The following KDM2B variants were observed in gnomAD, a reference collection of about 807,000 sequenced individuals.
KDM2B encodes the protein lysine-specific demethylase 2B.
A neutral mutation model predicts 150.0 loss-of-function variants in KDM2B; 26 were observed. The observed-to-expected ratio is 0.17, with a 90% confidence interval of 0.13 to 0.24. The LOEUF is 0.24. Ranked by LOEUF, KDM2B falls within the 10% of genes least tolerant of loss-of-function variation. The pLI is 1.00. For synonymous variants in KDM2B, 734 were observed against 729.5 expected, an observed-to-expected ratio of 1.01 and a Z score of -0.10; for missense variants, 1,265 against 1,816.9, an observed-to-expected ratio of 0.70 and a Z score of 5.52.
chr12:121,581,686 G>T (rs1276836584), upstream of KDM2B, among the ~76,000 whole-genome samples: 1 of 152,184 alleles, frequency 6.6e-6, no homozygotes, highest in African/African-American at 2.4e-5. Context: ...AACCCTGTGG[G>T]ATACTTGGAG....
At chr12:121,509,087 C>T (rs1001557064) in intron 11 of KDM2B, among the ~76,000 whole-genome samples, 1 of 152,124 alleles carries the variant, frequency 6.6e-6, no homozygotes, top group Non-Finnish European at 1.5e-5. Context: ...GAGACAGAGT[C>T]TTGCTCTGTT....
intron 11 of KDM2B, among the ~76,000 whole-genome samples, chr12:121,502,151 G>A (rs1357332135): frequency 2.6e-5 from 4 of 152,192 alleles, no homozygotes; most frequent in Non-Finnish European, 5.9e-5. Flanking sequence ...TATGGTGTCT[G>A]AAATTTTTGG....
intron 4 of KDM2B, among the ~76,000 whole-genome samples, chr12:121,567,674 C>T (rs1555315215): frequency 6.6e-6 from 1 of 151,750 alleles, no homozygotes; most frequent in African/African-American, 2.4e-5. Flanking sequence ...ATCTCGGATT[C>T]CTTGCCTCCA....
At chr12:121,414,575 C>G in the KDM2B span, among the ~76,000 whole-genome samples, 3 of 152,150 alleles carry the variant, frequency 2.0e-5, no homozygotes, top group Non-Finnish European at 4.4e-5. Context: ...TAGCAAATAG[C>G]CCTTACGCCT....
At position 121,534,725 on chromosome 12, in the gene KDM2B, TA is replaced by T. The variant is rs1469652548; in HGVS notation, c.684-136del. ...TGGGGAATTTTCTTTTTTTCTTCTT[TA>T]AAAATCCAAATGTAATCGGAGTTCC... On this transcript the variant is annotated intron_variant, in intron 6 of 22. Coordinates refer to ENST00000377071, the MANE Select transcript of KDM2B (RefSeq NM_032590.5). 21 of 646,320 alleles carry T rather than the reference TA, an allele frequency of 3.2e-5. 1 individual carries two copies. The Admixed American group carries it at 5.3e-4, about 16-fold the overall frequency. 40.0% of individuals were successfully genotyped at this position (646,320 alleles called of 1,614,324 possible).
At chr12:121,498,646 G>A (rs1160902857) in intron 11 of KDM2B, among the ~76,000 whole-genome samples, 1 of 151,960 alleles carries the variant, frequency 6.6e-6, no homozygotes, top group African/African-American at 2.4e-5. Flanking sequence ...TGTTTTCTTT[G>A]AGTTTCCTTC....
intron 4 of KDM2B, among the ~76,000 whole-genome samples, chr12:121,562,960 GA>G (rs1244274982): frequency 6.6e-6 from 1 of 152,162 alleles, no homozygotes; most frequent in African/African-American, 2.4e-5. Context: ...GAAGGTTCAA[GA>G]AAAGGGCCAA....
chr12:121,410,408 G>C, the KDM2B span, among the ~76,000 whole-genome samples: 1 of 151,822 alleles, frequency 6.6e-6, no homozygotes, highest in Non-Finnish European at 1.5e-5. Flanking sequence ...GTGGTGGTGG[G>C]TGCCTGTAAT....
At chr12:121,485,251 A>G (rs1882629853) in intron 12 of KDM2B, among the ~76,000 whole-genome samples, 2 of 152,150 alleles carry the variant, frequency 1.3e-5, no homozygotes. Context: ...TTACTTTGAC[A>G]GCTGGGAGAC....
At chr12:121,552,397 G>C (rs1459951920) in intron 4 of KDM2B, among the ~76,000 whole-genome samples, 1 of 152,184 alleles carries the variant, frequency 6.6e-6, no homozygotes, top group Non-Finnish European at 1.5e-5. Context: ...ACCTGGCCAA[G>C]TGCAGTGGCT....
intron 12 of KDM2B, among the ~76,000 whole-genome samples, chr12:121,457,441 T>C (rs1555293005): frequency 6.6e-6 from 1 of 152,006 alleles, no homozygotes; most frequent in Non-Finnish European, 1.5e-5. Flanking sequence ...TTTATATTTT[T>C]AGTAGAGATA....
At chr12:121,439,211 C>T (rs1555287515) in intron 22 of KDM2B, among the ~76,000 whole-genome samples, 1 of 152,116 alleles carries the variant, frequency 6.6e-6, no homozygotes. Context: ...GCCCTTGCCT[C>T]CCGGCCCCCA....
At chr12:121,466,183 C>G (rs1555294729) in intron 12 of KDM2B, among the ~76,000 whole-genome samples, 1 of 152,080 alleles carries the variant, frequency 6.6e-6, no homozygotes, top group African/African-American at 2.4e-5. Flanking sequence ...TCCACAACAC[C>G]TTTATCCCAC....
At chr12:121,481,013 C>T (rs1485464313) in intron 12 of KDM2B, among the ~76,000 whole-genome samples, 2 of 151,476 alleles carry the variant, frequency 1.3e-5, no homozygotes, top group Non-Finnish European at 2.9e-5. Flanking sequence ...CTGTCACCTC[C>T]ACCTCCCGAG....
intron 6 of KDM2B, among the ~76,000 whole-genome samples, chr12:121,535,327 T>A (rs1888002798): frequency 6.6e-6 from 1 of 151,982 alleles, no homozygotes; most frequent in Non-Finnish European, 1.5e-5. Context: ...GACCAAGCGG[T>A]GTCTGGTCCC....
At chr12:121,540,400 T>C (rs1231729025) in intron 6 of KDM2B, among the ~76,000 whole-genome samples, 2 of 151,984 alleles carry the variant, frequency 1.3e-5, no homozygotes, top group East Asian at 1.9e-4. Flanking sequence ...TAAGGGTGAA[T>C]GTGCAATGTA....
chr12:121,487,423 G>A (rs1042103451), intron 12 of KDM2B, among the ~76,000 whole-genome samples: 6 of 152,066 alleles, frequency 3.9e-5, no homozygotes, highest in South Asian at 2.1e-4. Flanking sequence ...GTTTCTCTTC[G>A]CGTGGTTCCC....
chr12:121,575,992 C>T lies in KDM2B; in HGVS notation c.272-133G>A. 3.0e-6 allele frequency: 2 copies of T among 668,184 alleles called. No individual in the cohort carries two copies. Among genetic ancestry groups the T allele is most frequent in the South Asian group, 1.7e-5 (1 of 59,326 alleles). 41.4% of individuals were successfully genotyped at this position (668,184 alleles called of 1,614,324 possible). ...CCAGGAGATGCAGGCACCAGCTGTACAGCAAAAGCTCCTTGGAAAATGATC... is the reference window on the plus strand; with the variant it reads ...CCAGGAGATGCAGGCACCAGCTGTATAGCAAAAGCTCCTTGGAAAATGATC... On this transcript the variant is annotated intron_variant, in intron 2 of 22. Coordinates refer to ENST00000377071, the MANE Select transcript of KDM2B (RefSeq NM_032590.5). This position sits in a 1 kb window ranked among gnomAD's most constrained non-coding sequence, Gnocchi z 4.4.
rs1880382268 is a variant in KDM2B at position 121,468,598 on chromosome 12, C to CTT, written c.1735-15255_1735-15254insAA. ...CTTTCCCAAGAATAAGCCATGAAAT[C>CTT]AGGTGATCAGCTCTGCAATGGCCAT... On this transcript the variant is annotated intron_variant, in intron 12 of 22. Coordinates refer to ENST00000377071, the MANE Select transcript of KDM2B (RefSeq NM_032590.5). This position sits in a 1 kb window ranked among gnomAD's most constrained non-coding sequence, Gnocchi z 4.0. 6.6e-6 allele frequency: 1 copy of CTT among 152,264 alleles called. No individual in the cohort carries two copies. The highest frequency in any genetic ancestry group is 2.4e-5 in the African/African-American group (1 of 41,450). 9.4% of individuals were successfully genotyped at this position (152,264 alleles called of 1,614,324 possible).
Sources: gnomAD v4.1 joint callset for allele counts (sites outside exome capture counted in the v4.1 genomes callset) on GRCh38, gnomAD v4.1.1 for gene constraint, Gnocchi (gnomAD v3.1) non-coding constraint, MANE v1.5 for transcripts, NCBI Gene and HGNC (gene_info 2026-07-23, HGNC 2026-07-21) for gene names.